ANAPC10: variants seen among roughly 807,000 people sequenced by gnomAD.
ANAPC10 encodes the protein anaphase promoting complex subunit 10.
ANAPC10 carries 12 observed loss-of-function variants against 22.0 expected under a neutral mutation model. The observed-to-expected ratio is 0.55, with a 90% CI of 0.35 to 0.88. ANAPC10 has a LOEUF of 0.88. Ranked by LOEUF, ANAPC10 falls within the 40% of genes least tolerant of loss-of-function variation. ANAPC10 has a pLI of 0.01. For synonymous variants in ANAPC10, 65 were observed against 69.5 expected (o/e 0.94, Z 0.32); for missense variants, 188 against 220.9 (o/e 0.85, Z 0.94).
At chr4:145,095,853 G>A (rs1294183603) in intron 2 of ANAPC10, 132 bp downstream of exon 2, 2 of 1,138,378 alleles carry the variant, frequency 1.8e-6, no homozygotes, top group African/African-American at 1.5e-5. Context: ...TATAGAAAGG[G>A]TTCAGTACTA....
intron 3 of ANAPC10, among the ~76,000 whole-genome samples, chr4:145,069,866 T>C (rs1744239885): frequency 6.6e-6 from 1 of 152,140 alleles, no homozygotes; most frequent in South Asian, 2.1e-4. Context: ...CCAAAAAGGT[T>C]CACAAAAAAT....
At chr4:145,035,699 G>T (rs927268200) in intron 4 of ANAPC10, among the ~76,000 whole-genome samples, 1 of 152,162 alleles carries the variant, frequency 6.6e-6, no homozygotes, top group Non-Finnish European at 1.5e-5. Context: ...GATTGTTTTT[G>T]TTCCCCACCA....
At chr4:144,998,187 A>ACC (rs1731921351) in intron 4 of ANAPC10, among the ~76,000 whole-genome samples, 1 of 152,176 alleles carries the variant, frequency 6.6e-6, no homozygotes, top group African/African-American at 2.4e-5. Flanking sequence ...CAGAAAGTTA[A>ACC]CAAGCATATC....
intron 3 of ANAPC10, among the ~76,000 whole-genome samples, chr4:145,065,659 T>C (rs1323507804): frequency 6.6e-6 from 1 of 151,990 alleles, no homozygotes; most frequent in Non-Finnish European, 1.5e-5. Flanking sequence ...AGAGAATTGG[T>C]TAAATAAATT....
Position 145,008,375 on chromosome 4 carries a change from C to T in ANAPC10, c.328-12772G>A, listed in dbSNP as rs889640571. On this transcript the variant is annotated intron_variant, in intron 4 of 4. Transcript: ENST00000507656. ...TCCTGATACCAAAGTCTGGCACAGA[C>T]ACAACAAGAAAAGAGAATTTTAGAC... Among the ~76,000 whole-genome samples, 23 of 152,136 alleles carry T rather than the reference C, an allele frequency of 1.5e-4. 1 individual carries two copies. Among genetic ancestry groups the T allele is most frequent in the Non-Finnish European group, 4.4e-5 (3 of 68,026 alleles).
intron 4 of ANAPC10, among the ~76,000 whole-genome samples, chr4:145,026,922 T>C (rs1304840689): frequency 1.8e-4 from 2 of 11,412 alleles, no homozygotes; most frequent in East Asian, 7.5e-3. Context: ...TATACATACA[T>C]ATATATATAT....
At chr4:145,038,420 G>A (rs998019842) in intron 4 of ANAPC10, among the ~76,000 whole-genome samples, 1 of 152,210 alleles carries the variant, frequency 6.6e-6, no homozygotes, top group Non-Finnish European at 1.5e-5. Context: ...GACTGAGGCA[G>A]GAGAACTGCT....
chr4:145,048,809 C>T (rs573563330), intron 4 of ANAPC10, among the ~76,000 whole-genome samples: 119 of 151,576 alleles, frequency 7.9e-4, no homozygotes, highest in Non-Finnish European at 1.5e-3. Context: ...ATAACTGAAA[C>T]TATCAGTATC....
At chr4:145,057,869 C>T (rs1246695257) in intron 4 of ANAPC10, among the ~76,000 whole-genome samples, 1 of 152,110 alleles carries the variant, frequency 6.6e-6, no homozygotes, top group African/African-American at 2.4e-5. Context: ...CCCCAGGTAG[C>T]AATCAGTCAC....
In ANAPC10 at chr4:145,081,740, C is replaced by T. The variant is rs768722828; in HGVS notation, c.126G>A (p.Val42=). 1 of 1,611,602 alleles carries T rather than the reference C, an allele frequency of 6.2e-7. No individual in the cohort carries two copies. Among genetic ancestry groups the T allele is most frequent in the Middle Eastern group, 1.7e-4 (1 of 6,050 alleles). The change falls in exon 3 of 5, where the codon GTG becomes GTA. Residue 42 remains valine (V), a synonymous_variant. Transcript: ENST00000507656. The part of the protein sequence containing the change: ...SLSSCKPGFG[V]DQLRDDNLET... ...CTAGATTGTCATCTCGTAACTGATC[C>T]ACTCCAAATCCTAAAAACACCAAAA...
intron 3 of ANAPC10, among the ~76,000 whole-genome samples, chr4:145,074,428 T>C (rs1308404984): frequency 6.6e-6 from 1 of 152,120 alleles, no homozygotes; most frequent in East Asian, 1.9e-4. Flanking sequence ...GCATGGCTGA[T>C]AGAACAGCAC....
intron 4 of ANAPC10, among the ~76,000 whole-genome samples, chr4:145,034,527 A>ATATATATATATATATG: frequency 7.4e-6 from 1 of 135,904 alleles, no homozygotes; most frequent in Admixed American, 7.4e-5. Context: ...TCTCCTTTAT[A>ATATATATATATATATG]TATATATATA....
At chr4:145,055,176 T>G (rs548106518) in intron 4 of ANAPC10, among the ~76,000 whole-genome samples, 1 of 152,100 alleles carries the variant, frequency 6.6e-6, no homozygotes, top group Non-Finnish European at 1.5e-5. Flanking sequence ...AGGCAAGAGG[T>G]GGGAACAACC....
In ANAPC10 at chr4:145,026,920, C is replaced by CATATATACATATATATATATATATATAT. The variant is rs1203858529; in HGVS notation, c.328-31318_328-31317insATATATATATATATATATATGTATATAT. ...CAAATGAAGTTTTTGCCTATACATA[C>CATATATACATATATATATATATATATAT]ATATATATATATATATATATATATA... On this transcript the variant is annotated intron_variant, in intron 4 of 4. Coordinates refer to ENST00000507656, the MANE Select transcript of ANAPC10 (RefSeq NM_001256706.2). 1.8e-4 allele frequency among the ~76,000 whole-genome samples: 3 copies of CATATATACATATATATATATATATATAT among 17,012 alleles called. 1 individual carries two copies. Among genetic ancestry groups the CATATATACATATATATATATATATATAT allele is most frequent in the Non-Finnish European group, 4.4e-4 (3 of 6,744 alleles). 11.2% of individuals were successfully genotyped at this position (17,012 alleles called of 152,430 possible).
intron 2 of ANAPC10, 75 bp from the exon 3 acceptor site, chr4:145,081,825 A>ATGGCCGGGCGCGGTGGCTCACGCC (rs2126594819): frequency 9.8e-7 from 1 of 1,023,432 alleles, no homozygotes; most frequent in East Asian, 2.4e-5. Context: ...AAATTAACAT[A>ATGGCCGGGCGCGGTGGCTCACGCC]TGTATTTGTC....
At chr4:145,074,221 G>T (rs957200586) in intron 3 of ANAPC10, among the ~76,000 whole-genome samples, 4 of 151,514 alleles carry the variant, frequency 2.6e-5, no homozygotes, top group Admixed American at 6.6e-5. Flanking sequence ...CACATTCAAA[G>T]AACATTTCAT....
Position 145,009,253 on chromosome 4 carries a change from T to C in ANAPC10, c.328-13650A>G, listed in dbSNP as rs1005052525. On this transcript the variant is annotated intron_variant, in intron 4 of 4. Coordinates refer to ENST00000507656, the MANE Select transcript of ANAPC10 (RefSeq NM_001256706.2). ...AATCAATATCATGAAAATGGCCATATTGCCCAAGGTAATTTATAGATTCAA... is the reference window on the plus strand; with the variant it reads ...AATCAATATCATGAAAATGGCCATACTGCCCAAGGTAATTTATAGATTCAA... Among the ~76,000 whole-genome samples, 17 of 152,008 alleles carry C rather than the reference T, an allele frequency of 1.1e-4. 1 individual carries two copies. Among genetic ancestry groups the C allele is most frequent in the Admixed American group, 9.2e-4 (14 of 15,260 alleles).
At position 145,096,077 on chromosome 4, in the gene ANAPC10, G is replaced by A. The variant is rs1179077077; in HGVS notation, c.23C>T (p.Pro8Leu). Residue 8 changes from proline to leucine, a missense_variant, in exon 2 of 5, where the codon CCT becomes CTT. Physicochemically the swap from Pro to Leu is moderately conservative, Grantham distance 98. Coordinates refer to ENST00000507656, the MANE Select transcript of ANAPC10 (RefSeq NM_001256706.2). ...CAACTGCTTGGGGTCAGCACCAGGA[G>A]GTGTCTTGTTTGGTGTAGTCATTTT... is the stretch of plus-strand genomic sequence containing the variant. MTTPNKT[P>L]PGADPKQLER... 2 of 1,614,000 alleles carry A rather than the reference G, an allele frequency of 1.2e-6. No individual in the cohort carries two copies. Among genetic ancestry groups the A allele is most frequent in the African/African-American group, 2.7e-5 (2 of 74,898 alleles).
chr4:145,042,574 TCTA>T (rs1206692745), intron 4 of ANAPC10, among the ~76,000 whole-genome samples: 2 of 152,196 alleles, frequency 1.3e-5, no homozygotes, highest in South Asian at 2.1e-4. Context: ...AAGCCTTTTC[TCTA>T]CTTTTTTGAT....
Sources: gnomAD v4.1 joint callset for allele counts (sites outside exome capture counted in the v4.1 genomes callset) on GRCh38, gnomAD v4.1.1 for gene constraint, MANE v1.5 for transcripts, NCBI Gene and HGNC (gene_info 2026-07-23, HGNC 2026-07-21) for gene names.